The following CHODL variants were observed in gnomAD, a reference collection of about 807,000 sequenced individuals.
The protein encoded by CHODL is transmembrane protein MT75.
CHODL carries 29 observed loss-of-function variants against 34.5 expected under a neutral mutation model. That is an observed-to-expected ratio of 0.84 (90% CI 0.63 to 1.15). CHODL has a LOEUF of 1.15. Among genes scored for constraint, CHODL ranks in the 50% most tolerant of loss-of-function variants. CHODL has a pLI of 0.00. For missense variants in CHODL, 332 were observed against 332.5 expected (o/e 1.00, Z 0.01); for synonymous variants, 125 against 116.1 (o/e 1.08, Z -0.49).
At chr21:18,016,424 C>T (rs2064074729) in intron 1 of CHODL, among the ~76,000 whole-genome samples, 1 of 152,154 alleles carries the variant, frequency 6.6e-6, no homozygotes, top group Non-Finnish European at 1.5e-5. Flanking sequence ...ACCTAGATTT[C>T]AGAGGATATA....
intron 2 of CHODL, among the ~76,000 whole-genome samples, chr21:18,135,500 G>A (rs975761442): frequency 9.2e-5 from 14 of 152,172 alleles, no homozygotes; most frequent in African/African-American, 3.4e-4. Context: ...TCCACAGACT[G>A]CCATATTTCT....
intron 1 of CHODL, among the ~76,000 whole-genome samples, chr21:18,252,123 TTC>T (rs2074264345): frequency 6.6e-6 from 1 of 152,132 alleles, no homozygotes; most frequent in Non-Finnish European, 1.5e-5. Context: ...GGCAGATCTT[TTC>T]TCTCTCTTGT....
chr21:18,249,073 T>TAATATATATAATAA (rs1180430482), intron 1 of CHODL, among the ~76,000 whole-genome samples: 5 of 122,934 alleles, frequency 4.1e-5, no homozygotes, highest in African/African-American at 1.6e-4. Context: ...TTACTATATA[T>TAATATATATAATAA]AATATATATA....
chr21:18,021,812 A>C (rs2064130157), intron 1 of CHODL, among the ~76,000 whole-genome samples: 1 of 90 alleles, frequency 0.011, no homozygotes, highest in African/African-American at 0.029. Flanking sequence ...TATTGGAGGA[A>C]AAGAGAACCC....
intron 2 of CHODL, among the ~76,000 whole-genome samples, chr21:18,160,371 A>C (rs1208671477): frequency 6.6e-6 from 1 of 151,946 alleles, no homozygotes; most frequent in Non-Finnish European, 1.5e-5. Flanking sequence ...CAGGGGTACA[A>C]GTGCAGGTTT....
At chr21:18,138,248 A>G (rs55813127) in intron 2 of CHODL, among the ~76,000 whole-genome samples, 4,715 of 151,586 alleles carry the variant, frequency 0.031, 240 homozygotes, top group African/African-American at 0.11. Flanking sequence ...ATCATTATAT[A>G]TTTTGGAATT....
intron 1 of CHODL, among the ~76,000 whole-genome samples, chr21:18,010,637 G>A (rs540085496): frequency 6.6e-6 from 1 of 152,100 alleles, no homozygotes; most frequent in Admixed American, 6.5e-5. Context: ...CTCATGTAAG[G>A]TTTTATAAAA....
intron 1 of CHODL, among the ~76,000 whole-genome samples, chr21:17,980,901 G>A (rs1237352708): frequency 1.3e-5 from 2 of 152,186 alleles, no homozygotes; most frequent in African/African-American, 4.8e-5. Context: ...CTGGGCTCCA[G>A]TGTAGGCCAG....
chr21:17,960,435 C>A (rs1436110381), intron 1 of CHODL, among the ~76,000 whole-genome samples: 1 of 152,144 alleles, frequency 6.6e-6, no homozygotes, highest in Admixed American at 6.5e-5. Flanking sequence ...TGTTGAGCAC[C>A]CTGGCCAAAT....
chr21:17,969,107 T>C (rs1329441071), intron 1 of CHODL, among the ~76,000 whole-genome samples: 2 of 152,210 alleles, frequency 1.3e-5, no homozygotes, highest in African/African-American at 4.8e-5. Flanking sequence ...AATTTATTAG[T>C]TGAGAGCATA....
At position 18,069,539 on chromosome 21, in the gene CHODL, A is replaced by AATATATAT. The variant is rs71318122; in HGVS notation, c.-45+41579_-45+41586dup. ...AAGGGGATTATATATATATATGTGG[A>AATATATAT]ATATATATATATATATATGGATTAT... On this transcript the variant is annotated intron_variant, in intron 2 of 6. Coordinates refer to the CHODL transcript ENST00000400127. Among the ~76,000 whole-genome samples, 269 of 147,508 alleles carry AATATATAT rather than the reference A, an allele frequency of 1.8e-3. 3 individuals are homozygous for AATATATAT. The highest frequency in any genetic ancestry group is 6.3e-3 in the African/African-American group (255 of 40,274).
At chr21:18,252,566 C>T (rs1277673969) in intron 1 of CHODL, among the ~76,000 whole-genome samples, 1 of 152,038 alleles carries the variant, frequency 6.6e-6, no homozygotes, top group Admixed American at 6.6e-5. Context: ...GATGATTTTG[C>T]TGCAACTTGG....
At chr21:18,236,611 C>T (rs2146763927) in intron 2 of CHODL, among the ~76,000 whole-genome samples, 1 of 152,140 alleles carries the variant, frequency 6.6e-6, no homozygotes, top group South Asian at 2.1e-4. Flanking sequence ...TTTACCTCAA[C>T]ACCACACTAG....
chr21:18,236,756 C>T (rs1257557164), intron 2 of CHODL, among the ~76,000 whole-genome samples: 1 of 152,034 alleles, frequency 6.6e-6, no homozygotes, highest in East Asian at 1.9e-4. Flanking sequence ...ACCACTTGAA[C>T]AATACATGAC....
At chr21:18,215,198 T>TG (rs1491228833) in intron 2 of CHODL, among the ~76,000 whole-genome samples, 1 of 137,408 alleles carries the variant, frequency 7.3e-6, no homozygotes, top group Non-Finnish European at 1.6e-5. Flanking sequence ...TTCTCAAACA[T>TG]GAAAAAAAAA....
At chr21:17,931,201 C>T (rs1343367119) in intron 1 of CHODL, among the ~76,000 whole-genome samples, 1 of 152,146 alleles carries the variant, frequency 6.6e-6, no homozygotes, top group Non-Finnish European at 1.5e-5. Context: ...GTTTCTGTTC[C>T]TCCCAATAAA....
At chr21:18,154,379 T>C (rs2073008043) in intron 2 of CHODL, among the ~76,000 whole-genome samples, 1 of 152,174 alleles carries the variant, frequency 6.6e-6, no homozygotes, top group African/African-American at 2.4e-5. Flanking sequence ...CATGAACAGA[T>C]CTTATCTTCC....
chr21:18,145,243 T>G (rs1359152385), intron 2 of CHODL, among the ~76,000 whole-genome samples: 1 of 20,382 alleles, frequency 4.9e-5, no homozygotes, highest in Non-Finnish European at 9.9e-5. Context: ...GAGACCATCC[T>G]GGCTAACAAG....
At chr21:18,264,438 C>T (rs1372058657) in intron 5 of CHODL, among the ~76,000 whole-genome samples, 1 of 151,772 alleles carries the variant, frequency 6.6e-6, no homozygotes, top group Non-Finnish European at 1.5e-5. Context: ...CCCATCTCTA[C>T]TAAAAATACA....
Sources: gnomAD v4.1 joint callset for allele counts (sites outside exome capture counted in the v4.1 genomes callset) on GRCh38, gnomAD v4.1.1 for gene constraint, MANE v1.5 for transcripts, NCBI Gene and HGNC (gene_info 2026-07-23, HGNC 2026-07-21) for gene names.